Variants in XIRP2 observed in about 807,000 individuals in gnomAD.
The protein encoded by XIRP2 is xin actin binding repeat containing 2, also known as xin actin-binding repeat-containing protein 2.
A neutral mutation model predicts 277.0 loss-of-function variants in XIRP2; 236 were observed. The ratio of observed to expected loss-of-function variants is 0.85; its 90% CI spans 0.77 to 0.95. The LOEUF is 0.95. Among genes scored for constraint, XIRP2 ranks in the 40% least tolerant of loss-of-function variants. The pLI, the probability that XIRP2 is intolerant of heterozygous loss-of-function variation, is 0.00. For missense variants in XIRP2, 4,640 were observed against 4,157.5 expected (o/e 1.12, Z -3.19); for synonymous variants, 1,490 against 1,416.5 (o/e 1.05, Z -1.17).
intron 2 of XIRP2, among the ~76,000 whole-genome samples, chr2:166,931,679 A>G (rs967634209): frequency 6.6e-6 from 1 of 152,110 alleles, no homozygotes; most frequent in Admixed American, 6.6e-5. Flanking sequence ...GTGGGTGTGT[A>G]TTTGAGTTGT....
chr2:166,968,793 A>G (rs1042412199), intron 2 of XIRP2, among the ~76,000 whole-genome samples: 10 of 151,962 alleles, frequency 6.6e-5, no homozygotes, highest in African/African-American at 1.9e-4. Flanking sequence ...GCATGTACGA[A>G]TATAAGTCTT....
intron 3 of XIRP2, among the ~76,000 whole-genome samples, chr2:167,155,846 C>T (rs1056447497): frequency 1.3e-5 from 2 of 151,576 alleles, no homozygotes; most frequent in Non-Finnish European, 2.9e-5. Flanking sequence ...ATCTAGAAAA[C>T]CCCATTGTCT....
intron 2 of XIRP2, among the ~76,000 whole-genome samples, chr2:166,909,357 T>C (rs1684633019): frequency 6.6e-6 from 1 of 152,206 alleles, no homozygotes; most frequent in Non-Finnish European, 1.5e-5. Context: ...GATTCCTAAG[T>C]ATTTTATTCT....
chr2:166,912,302 CCTTT>C (rs1368134259), intron 2 of XIRP2, among the ~76,000 whole-genome samples: 3 of 152,082 alleles, frequency 2.0e-5, no homozygotes, highest in Admixed American at 6.6e-5. Flanking sequence ...AGGCTTTGTT[CCTTT>C]CTTTTTACTC....
intron 3 of XIRP2, among the ~76,000 whole-genome samples, chr2:167,189,421 T>G (rs1445273779): frequency 2.0e-5 from 3 of 152,190 alleles, no homozygotes; most frequent in Non-Finnish European, 4.4e-5. Context: ...GATTTTTGAT[T>G]GAACGATCTG....
At chr2:167,069,245 A>G (rs899867687) in intron 2 of XIRP2, among the ~76,000 whole-genome samples, 2 of 152,142 alleles carry the variant, frequency 1.3e-5, no homozygotes, top group African/African-American at 4.8e-5. Context: ...GCTTTTTGGA[A>G]CACTGTGGAG....
At chr2:167,239,234 G>A (rs1225863257) in intron 5 of XIRP2, among the ~76,000 whole-genome samples, 1 of 152,010 alleles carries the variant, frequency 6.6e-6, no homozygotes, top group Non-Finnish European at 1.5e-5. Flanking sequence ...TCTCATACTG[G>A]GTAATACATC....
At chr2:167,145,122 A>T (rs1024400491) in intron 3 of XIRP2, among the ~76,000 whole-genome samples, 1 of 152,200 alleles carries the variant, frequency 6.6e-6, no homozygotes, top group African/African-American at 2.4e-5. Flanking sequence ...TAAAATAATT[A>T]TATTTCCCAA....
intron 2 of XIRP2, among the ~76,000 whole-genome samples, chr2:166,962,348 C>T (rs182483638): frequency 7.3e-5 from 11 of 151,598 alleles, no homozygotes; most frequent in Admixed American, 2.0e-4. Context: ...CCACAAAAAC[C>T]GTGCATATGA....
chr2:166,971,188 A>T (rs993266486), intron 2 of XIRP2, among the ~76,000 whole-genome samples: 1 of 152,058 alleles, frequency 6.6e-6, no homozygotes, highest in Non-Finnish European at 1.5e-5. Flanking sequence ...TAAATTAATT[A>T]AAAAATTAAT....
chr2:167,155,653 A>G (rs1574304974), intron 3 of XIRP2, among the ~76,000 whole-genome samples: 1 of 152,050 alleles, frequency 6.6e-6, no homozygotes, highest in Admixed American at 6.5e-5. Flanking sequence ...CTGAATGCGC[A>G]AAAACTGGAA....
intron 2 of XIRP2, among the ~76,000 whole-genome samples, chr2:167,010,154 G>A (rs1687626519): frequency 6.6e-6 from 1 of 152,096 alleles, no homozygotes; most frequent in Non-Finnish European, 1.5e-5. Flanking sequence ...CCTATGTCCT[G>A]AATGGTAATA....
intron 3 of XIRP2, among the ~76,000 whole-genome samples, chr2:167,195,295 C>G (rs1007571650): frequency 3.3e-5 from 5 of 152,156 alleles, no homozygotes; most frequent in African/African-American, 1.2e-4. Context: ...CCATCTCAAC[C>G]CTAATGACTC....
intron 2 of XIRP2, among the ~76,000 whole-genome samples, chr2:167,041,677 T>C (rs1688663483): frequency 6.6e-6 from 1 of 152,100 alleles, no homozygotes; most frequent in African/African-American, 2.4e-5. Flanking sequence ...TGAGGAATGA[T>C]GTAAAGAGAC....
intron 2 of XIRP2, among the ~76,000 whole-genome samples, chr2:166,930,012 C>T (rs1450805852): frequency 6.6e-6 from 1 of 152,120 alleles, no homozygotes; most frequent in Non-Finnish European, 1.5e-5. Context: ...CAATGTATAG[C>T]TAGGATTCAG....
intron 3 of XIRP2, among the ~76,000 whole-genome samples, chr2:167,200,721 C>A (rs1439381714): frequency 6.6e-6 from 1 of 152,080 alleles, no homozygotes; most frequent in Non-Finnish European, 1.5e-5. Flanking sequence ...TGGAGCATGA[C>A]TGACTATAAT....
chr2:167,248,607 G>T lies in XIRP2; in HGVS notation c.7215G>T (p.Gln2405His), dbSNP rs2105444191. Residue 2405 changes from glutamine to histidine, a missense_variant, in exon 9 of 11, where the codon CAG (glutamine) becomes CAT (histidine). Physicochemically the swap from Gln to His is conservative, Grantham distance 24. Coordinates refer to ENST00000409195, the MANE Select transcript of XIRP2 (RefSeq NM_152381.6). The stretch of plus-strand genomic sequence containing the variant: ...CCCAAAAAGAAGCCTCGAACTCTCA[G>T]AATTCTCAGGCTAAAATCATAACAG... ...QYSQKEASNS[Q>H]NSQAKIITGK... 1 of 1,613,716 alleles carries T rather than the reference G, an allele frequency of 6.2e-7. No homozygotes were observed. The highest frequency in any genetic ancestry group is 1.3e-5 in the African/African-American group (1 of 74,970).
At position 166,978,198 on chromosome 2, in the gene XIRP2, ATTTG is replaced by A. The variant is rs1388892264; in HGVS notation, c.408+74312_408+74315del. On this transcript the variant is annotated intron_variant, in intron 2 of 10. Transcript: ENST00000409195. ...TAAATTAAGTGACCTGAAAGTGTGT[ATTTG>A]TTTATTTGCACTCTATTCTGTTTCA... 5.9e-5 allele frequency among the ~76,000 whole-genome samples: 9 copies of A among 152,172 alleles called. 1 individual carries two copies. In the South Asian group the frequency reaches 1.7e-3, roughly 28 times the overall value.
At chr2:167,005,659 T>C (rs978527791) in intron 2 of XIRP2, among the ~76,000 whole-genome samples, 1 of 151,810 alleles carries the variant, frequency 6.6e-6, no homozygotes, top group African/African-American at 2.4e-5. Flanking sequence ...GTTATGTAAC[T>C]GTTATCAATT....
Sources: gnomAD v4.1 joint callset for allele counts (sites outside exome capture counted in the v4.1 genomes callset) on GRCh38, gnomAD v4.1.1 for gene constraint, MANE v1.5 for transcripts, NCBI Gene and HGNC (gene_info 2026-07-23, HGNC 2026-07-21) for gene names.